Variants in GPHN observed in about 807,000 individuals in gnomAD.
GPHN encodes gephyrin.
Under a neutral mutation model 95.5 loss-of-function variants are expected in GPHN, and 17 were observed. The ratio of observed to expected loss-of-function variants is 0.18; its 90% CI spans 0.12 to 0.27. The LOEUF is 0.27. Ranked by LOEUF, GPHN falls within the 10% of genes least tolerant of loss-of-function variation. The pLI is 1.00. For synonymous variants in GPHN, 320 were observed against 322.5 expected (o/e 0.99, Z 0.08); for missense variants, 660 against 978.1 (o/e 0.67, Z 4.34).
chr14:67,498,407 G>A, the GPHN span, among the ~76,000 whole-genome samples: 1 of 152,180 alleles, frequency 6.6e-6, no homozygotes, highest in African/African-American at 2.4e-5. Flanking sequence ...GCAAAGGGGA[G>A]ACTTTGCTTT....
the GPHN span, among the ~76,000 whole-genome samples, chr14:67,544,066 C>G: frequency 6.6e-6 from 1 of 152,088 alleles, no homozygotes; most frequent in Admixed American, 6.5e-5. Flanking sequence ...CAGACTTCTG[C>G]ATCAAGTCAG....
At chr14:67,393,169 G>T in the GPHN span, 2 of 1,613,344 alleles carry the variant, frequency 1.2e-6, no homozygotes, top group Middle Eastern at 3.3e-4. Context: ...TCTTTTTATA[G>T]GTGCTTCCCT....
intron 1 of GPHN, among the ~76,000 whole-genome samples, chr14:66,630,737 G>T (rs1399631542): frequency 6.6e-6 from 1 of 152,106 alleles, no homozygotes; most frequent in Non-Finnish European, 1.5e-5. Context: ...CTCCCAAAGT[G>T]CTGAGATTAC....
chr14:66,928,962 G>C (rs1159765246), intron 8 of GPHN, among the ~76,000 whole-genome samples: 1 of 151,718 alleles, frequency 6.6e-6, no homozygotes, highest in Non-Finnish European at 1.5e-5. Flanking sequence ...GTGCTGAGGA[G>C]AAGAATGTGT....
chr14:67,201,584 T>C, the GPHN span: 2 of 454,238 alleles, frequency 4.4e-6, no homozygotes, highest in African/African-American at 4.0e-5. Flanking sequence ...GCTGGTCACA[T>C]GCCACTGCTG....
At chr14:66,687,510 C>G (rs1343002196) in intron 2 of GPHN, among the ~76,000 whole-genome samples, 1 of 110,688 alleles carries the variant, frequency 9.0e-6, no homozygotes, top group African/African-American at 3.6e-5. Flanking sequence ...TTTTTTGAGA[C>G]GGAGTTTCGC....
chr14:67,050,410 G>A (rs1185219814), intron 10 of GPHN, among the ~76,000 whole-genome samples: 1 of 152,170 alleles, frequency 6.6e-6, no homozygotes, highest in African/African-American at 2.4e-5. Context: ...TATTTACTGA[G>A]TATCTACTAT....
At chr14:66,632,265 A>T (rs1281410943) in intron 1 of GPHN, among the ~76,000 whole-genome samples, 1 of 152,158 alleles carries the variant, frequency 6.6e-6, no homozygotes, top group Non-Finnish European at 1.5e-5. Flanking sequence ...GGTATATGGG[A>T]TCAAAAGCTC....
intron 22 of GPHN, 21 bp downstream of exon 22, chr14:67,179,695 G>T (rs1404093602): frequency 2.5e-6 from 3 of 1,176,598 alleles, no homozygotes; most frequent in Non-Finnish European, 3.8e-6. Context: ...CACATCTACA[G>T]ATATTCCTAG....
intron 2 of GPHN, among the ~76,000 whole-genome samples, chr14:66,740,667 A>G (rs766917198): frequency 6.6e-6 from 1 of 152,158 alleles, no homozygotes; most frequent in South Asian, 2.1e-4. Flanking sequence ...TCATATTTTT[A>G]AAATGACTGA....
the GPHN span, chr14:67,316,980 G>A: frequency 2.7e-6 from 3 of 1,113,552 alleles, no homozygotes; most frequent in South Asian, 4.3e-5. Flanking sequence ...CTGCATATTA[G>A]AACCGTGAAG....
At position 66,508,600 on chromosome 14, in the gene GPHN, G is replaced by C. The variant is rs1555369179; in HGVS notation, c.64+9G>C. 1 of 1,611,272 alleles carries C rather than the reference G, an allele frequency of 6.2e-7. No individual in the cohort carries two copies. Among genetic ancestry groups the C allele is most frequent in the Middle Eastern group, 1.7e-4 (1 of 6,056 alleles). On this transcript the variant is annotated intron_variant, in intron 1 of 22. Coordinates refer to ENST00000478722, the MANE Select transcript of GPHN (RefSeq NM_020806.5). ...TGTCGGAGTCCTTACAGGTAACCGG[G>C]GGAGGAGGTCTGGGACCTATGAGGC...
chr14:67,430,335 A>G, the GPHN span, among the ~76,000 whole-genome samples: 1 of 152,072 alleles, frequency 6.6e-6, no homozygotes, highest in Non-Finnish European at 1.5e-5. Context: ...AAAAATACCC[A>G]CTGTAAGTTA....
chr14:67,301,009 G>T, the GPHN span, among the ~76,000 whole-genome samples: 1 of 152,048 alleles, frequency 6.6e-6, no homozygotes, highest in Non-Finnish European at 1.5e-5. Flanking sequence ...AACTCTTTAA[G>T]TTGTCATCTC....
the GPHN span, chr14:67,382,553 T>C: frequency 1.2e-6 from 2 of 1,613,856 alleles, no homozygotes; most frequent in Non-Finnish European, 1.7e-6. Flanking sequence ...AAAGAGAAGA[T>C]TGAGGAAAAG....
chr14:66,846,416 T>C (rs1235486158), intron 4 of GPHN, among the ~76,000 whole-genome samples: 1 of 152,148 alleles, frequency 6.6e-6, no homozygotes, highest in East Asian at 1.9e-4. Context: ...CTTAAGGTGC[T>C]CACATTCCAA....
the GPHN span, chr14:67,383,582 C>A: frequency 8.1e-7 from 1 of 1,233,984 alleles, no homozygotes; most frequent in Non-Finnish European, 1.1e-6. Flanking sequence ...TCTAACAGAT[C>A]AGAACATGAA....
At chr14:67,603,925 C>T in the GPHN span, among the ~76,000 whole-genome samples, 15 of 152,160 alleles carry the variant, frequency 9.9e-5, no homozygotes, top group African/African-American at 3.6e-4. Flanking sequence ...AGGTGATCTG[C>T]CCGCCTCAAC....
chr14:66,563,317 G>A (rs1028368353), intron 1 of GPHN, among the ~76,000 whole-genome samples: 8 of 152,074 alleles, frequency 5.3e-5, no homozygotes, highest in African/African-American at 1.9e-4. Flanking sequence ...ATGTGTAGGG[G>A]TTGCTACATG....
Sources: gnomAD v4.1 joint callset for allele counts (sites outside exome capture counted in the v4.1 genomes callset) on GRCh38, gnomAD v4.1.1 for gene constraint, MANE v1.5 for transcripts, NCBI Gene and HGNC (gene_info 2026-07-23, HGNC 2026-07-21) for gene names.